Variants in ANGPT1 observed in about 807,000 individuals in gnomAD.
The protein encoded by ANGPT1 is angiopoietin 1, also known as angiopoietin-1.
ANGPT1 carries 17 observed loss-of-function variants against 62.2 expected under a neutral mutation model. The ratio of observed to expected loss-of-function variants is 0.27; its 90% confidence interval spans 0.19 to 0.41. The LOEUF is 0.41. Ranked by LOEUF, ANGPT1 falls within the 10% of genes least tolerant of loss-of-function variation. The pLI, the probability that ANGPT1 is intolerant of heterozygous loss-of-function variation, is 1.00. For synonymous variants in ANGPT1, 199 were observed against 198.9 expected, an observed-to-expected ratio of 1.00 and a Z score of 0.00; for missense variants, 478 against 594.9, an observed-to-expected ratio of 0.80 and a Z score of 2.04.
At chr8:107,426,603 A>G (rs1811048893) in intron 1 of ANGPT1, among the ~76,000 whole-genome samples, 1 of 151,958 alleles carries the variant, frequency 6.6e-6, no homozygotes, top group African/African-American at 2.4e-5. Flanking sequence ...CCTTGTATTC[A>G]CTTTCCTGGA....
At chr8:107,478,056 T>G (rs1478473097) in intron 1 of ANGPT1, among the ~76,000 whole-genome samples, 1 of 134,794 alleles carries the variant, frequency 7.4e-6, no homozygotes, top group Non-Finnish European at 1.6e-5. Context: ...TCCAAAATAT[T>G]TCTCCTGTTT....
At chr8:107,403,295 C>T (rs1208167717) in intron 1 of ANGPT1, among the ~76,000 whole-genome samples, 1 of 152,100 alleles carries the variant, frequency 6.6e-6, no homozygotes, top group African/African-American at 2.4e-5. Flanking sequence ...AAAGCCTGTT[C>T]CTGGAACTTT....
intron 3 of ANGPT1, among the ~76,000 whole-genome samples, chr8:107,334,342 A>G (rs1305347249): frequency 6.6e-6 from 1 of 152,246 alleles, no homozygotes; most frequent in Non-Finnish European, 1.5e-5. Context: ...AAAATGAAAT[A>G]TGCAGTTATT....
intron 3 of ANGPT1, chr8:107,322,707 G>A: frequency 3.1e-6 from 1 of 318,708 alleles, no homozygotes; most frequent in Non-Finnish European, 6.1e-6. Flanking sequence ...CATTAAGAAA[G>A]AAAAAAATCT....
In ANGPT1 at chr8:107,496,245, C is replaced by CATAGTCAG. The variant is rs1263902429; in HGVS notation, c.297+1009_297+1016dup. Among the ~76,000 whole-genome samples the CATAGTCAG allele has an allele frequency of 2.0e-5, 3 of 152,306 alleles. No individual in the cohort carries two copies. In the South Asian group the frequency reaches 6.2e-4, roughly 32 times the overall value. Reference sequence around the variant, plus strand: ...TGAGACATTGCCTCCCTTCTAGTAGCATAGTCAGTTGAATATACTTATTCT... The same window carrying CATAGTCAG: ...TGAGACATTGCCTCCCTTCTAGTAGCATAGTCAGATAGTCAGTTGAATATACTTATTCT... On this transcript the variant is annotated intron_variant, in intron 1 of 8. Transcript: ENST00000517746.
intron 1 of ANGPT1, among the ~76,000 whole-genome samples, chr8:107,425,646 G>T (rs1027534970): frequency 2.0e-5 from 3 of 152,176 alleles, no homozygotes; most frequent in Non-Finnish European, 4.4e-5. Flanking sequence ...CTCAAGGTGT[G>T]CTTGTGAGAG....
chr8:107,294,157 T>G, intron 5 of ANGPT1, 120 bp from the exon 6 acceptor site: 1 of 607,746 alleles, frequency 1.6e-6, no homozygotes, highest in South Asian at 2.5e-5. Context: ...CCGAAATTAC[T>G]ATATTGAACA....
intron 1 of ANGPT1, among the ~76,000 whole-genome samples, chr8:107,386,769 G>A (rs545650743): frequency 7.2e-5 from 11 of 152,162 alleles, no homozygotes; most frequent in South Asian, 2.1e-4. Flanking sequence ...CTTAGCAAAT[G>A]TTAGCTATTA....
chr8:107,363,042 G>C (rs1276621030), intron 1 of ANGPT1, among the ~76,000 whole-genome samples: 2 of 151,508 alleles, frequency 1.3e-5, no homozygotes, highest in Non-Finnish European at 2.9e-5. Flanking sequence ...TTTTAACATG[G>C]TGCTATGGAG....
rs551711652 is a variant in ANGPT1, at chr8:107,384,920, A to T, written c.298-37823T>A. Among the ~76,000 whole-genome samples the T allele has an allele frequency of 2.6e-5, 4 of 152,216 alleles. No individual in the cohort carries two copies. The East Asian group carries it at 7.7e-4, about 29-fold the overall frequency. ...GTTTTTGTTGGTTTTGTCAAAGATC[A>T]GATGGTTGTAGGTGTGTGGCTTAAT... On this transcript the variant is annotated intron_variant, in intron 1 of 8. Transcript: ENST00000517746.
intron 1 of ANGPT1, among the ~76,000 whole-genome samples, chr8:107,409,937 G>T (rs897900271): frequency 7.9e-6 from 1 of 127,084 alleles, no homozygotes; most frequent in Non-Finnish European, 1.7e-5. Context: ...TATATGTGAT[G>T]AATCCATCCA....
intron 1 of ANGPT1, among the ~76,000 whole-genome samples, chr8:107,492,896 A>G (rs1300155418): frequency 6.6e-6 from 1 of 150,446 alleles, no homozygotes; most frequent in South Asian, 2.2e-4. Flanking sequence ...CATATTATAC[A>G]GATGTATGCA....
rs372079332 is a variant in ANGPT1, at chr8:107,406,055, G to T, written c.298-58958C>A. On this transcript the variant is annotated intron_variant, in intron 1 of 8. Coordinates refer to ENST00000517746, the MANE Select transcript of ANGPT1 (RefSeq NM_001146.5). ...TACTTCTATGTCCTTGAAATAATAG[G>T]AATTAAAATAGTTTTTAATCTTTTT... is the stretch of plus-strand genomic sequence containing the variant. 5.9e-5 allele frequency among the ~76,000 whole-genome samples: 9 copies of T among 151,572 alleles called. No homozygotes were observed. In the East Asian group the frequency reaches 1.2e-3, roughly 20 times the overall value.
At chr8:107,283,080 C>T (rs896338895) in intron 7 of ANGPT1, among the ~76,000 whole-genome samples, 4 of 152,102 alleles carry the variant, frequency 2.6e-5, no homozygotes, top group African/African-American at 9.7e-5. Context: ...AAAGCAAATT[C>T]TTCAGGAGCC....
Position 107,264,292 on chromosome 8 carries a change from C to G in ANGPT1, c.1265G>C (p.Gly422Ala). 1.2e-6 allele frequency: 2 copies of G among 1,613,972 alleles called. No individual in the cohort carries two copies. The highest frequency in any genetic ancestry group is 1.7e-6 in the Non-Finnish European group (2 of 1,179,924). The change falls in exon 8 of 9, where the codon GGT becomes GCT. Residue 422 changes from glycine (G) to alanine (A), a missense_variant. Physicochemically the swap from Gly to Ala is moderately conservative, Grantham distance 60 (BLOSUM62 0). Transcript: ENST00000517746. The part of the protein sequence containing the change: ...AGKQSSLILH[G>A]ADFSTKDADN... ...AGCATCTTTAGTGCTGAAATCAGCACCGTGTAAGATCAGGCTGCTCTGTTT... is the reference window on the plus strand; with the variant it reads ...AGCATCTTTAGTGCTGAAATCAGCAGCGTGTAAGATCAGGCTGCTCTGTTT...
chr8:107,464,708 A>G (rs1812156974), intron 1 of ANGPT1, among the ~76,000 whole-genome samples: 1 of 152,152 alleles, frequency 6.6e-6, no homozygotes. Context: ...GATAGTTACA[A>G]TCCCGTAAAT....
chr8:107,378,947 TAC>T (rs1491053969), intron 1 of ANGPT1, among the ~76,000 whole-genome samples: 2 of 143,434 alleles, frequency 1.4e-5, no homozygotes, highest in East Asian at 2.1e-4. Context: ...TATATATATA[TAC>T]TCTATTATAT....
intron 1 of ANGPT1, among the ~76,000 whole-genome samples, chr8:107,465,954 T>C (rs4734973): frequency 0.29 from 43,484 of 152,100 alleles, 7,356 homozygotes; most frequent in Middle Eastern, 0.38. Context: ...GAAGGACTTC[T>C]ATCTGGGAGG....
At chr8:107,370,681 T>A (rs1344424221) in intron 1 of ANGPT1, among the ~76,000 whole-genome samples, 2 of 109,832 alleles carry the variant, frequency 1.8e-5, no homozygotes, top group East Asian at 5.6e-4. Flanking sequence ...CCAGCCTGGG[T>A]GACAGAGCAA....
Sources: allele counts gnomAD v4.1 joint callset (sites outside exome capture counted in the v4.1 genomes callset), GRCh38; gene constraint gnomAD v4.1.1; transcripts MANE v1.5; gene names NCBI Gene and HGNC (gene_info 2026-07-23, HGNC 2026-07-21).